Variants in RTF1 observed in about 807,000 individuals in gnomAD.
The protein encoded by RTF1 is RTF1 homolog, Paf1/RNA polymerase II complex component.
A neutral mutation model predicts 95.7 loss-of-function variants in RTF1; 10 were observed. The ratio of observed to expected loss-of-function variants is 0.10; its 90% confidence interval spans 0.06 to 0.18. The LOEUF is 0.18. Ranked by LOEUF, RTF1 falls within the 10% of genes least tolerant of loss-of-function variation. RTF1 has a pLI of 1.00. For synonymous variants in RTF1, 305 were observed against 311.8 expected, an observed-to-expected ratio of 0.98 and a Z score of 0.23; for missense variants, 458 against 875.6, an observed-to-expected ratio of 0.52 and a Z score of 6.02.
rs145486090 is a variant in RTF1 at position 41,479,780 on chromosome 15, G to A, written c.1915-434G>A. Among the ~76,000 whole-genome samples the A allele has an allele frequency of 5.8e-3, 874 of 151,352 alleles. 13 individuals carry two copies. The highest frequency in any genetic ancestry group is 0.02 in the African/African-American group (818 of 41,150). On this transcript the variant is annotated intron_variant, in intron 16 of 17. Coordinates refer to ENST00000389629, the MANE Select transcript of RTF1 (RefSeq NM_015138.5). ...GAGGAGGCTGAGGCAGGAAAATCGC[G>A]TGAACCTGGGAGGGGGAGGTTGCAG...
chr15:41,471,071 C>T (rs1408089332), intron 7 of RTF1, 101 bp from the exon 8 acceptor site: 3 of 1,116,780 alleles, frequency 2.7e-6, no homozygotes, highest in East Asian at 4.8e-5. Flanking sequence ...CTAGGCCAGT[C>T]ACATGTACTT....
chr15:41,428,036 C>T (rs1284751740), intron 1 of RTF1, among the ~76,000 whole-genome samples: 1 of 151,836 alleles, frequency 6.6e-6, no homozygotes, highest in Admixed American at 6.6e-5. Flanking sequence ...ATCTGCCTGG[C>T]TTGGCCTCCC....
intron 16 of RTF1, among the ~76,000 whole-genome samples, chr15:41,479,982 C>T (rs1298064691): frequency 2.6e-5 from 4 of 152,120 alleles, no homozygotes; most frequent in African/African-American, 7.2e-5. Flanking sequence ...TTAAGCCCAC[C>T]CTTTCTACAC....
intron 1 of RTF1, among the ~76,000 whole-genome samples, chr15:41,421,676 C>T (rs1405655028): frequency 6.9e-6 from 1 of 145,730 alleles, no homozygotes; most frequent in Non-Finnish European, 1.5e-5. Flanking sequence ...AAGAACTTGA[C>T]AGGGAGGTTT....
chr15:41,439,112 A>C (rs1016720954), intron 2 of RTF1, among the ~76,000 whole-genome samples: 4 of 150,796 alleles, frequency 2.7e-5, no homozygotes, highest in African/African-American at 9.8e-5. Context: ...GCTCACTGCA[A>C]CTTCCGCCTT....
Position 41,480,845 on chromosome 15 carries a change from A to G in RTF1, c.*158A>G. 1 of 630,308 alleles carries G rather than the reference A, an allele frequency of 1.6e-6. No individual in the cohort carries two copies. Among genetic ancestry groups the G allele is most frequent in the Non-Finnish European group, 2.9e-6 (1 of 350,492 alleles). The allele number at this position is 630,308 out of a possible 1,614,324, so 39.0% of individuals were successfully genotyped here. A position where few individuals can be genotyped will look rare whatever the true frequency, so the allele number is the denominator to read the frequency against. On this transcript the variant is annotated 3_prime_UTR_variant, in exon 18 of 18. Transcript: ENST00000389629. ...CTGTAATATAAACCATTTGCTGTAT[A>G]GACCTCCTTTGTCTGCACACCATCT...
chr15:41,452,992 C>T lies in RTF1; in HGVS notation c.401C>T (p.Ala134Val). ...GTMKKQANKT[A>V]SSGSSDKDSS... is the part of the protein sequence containing the mutation. ...ATGAAGAAACAGGCCAACAAAACTGCCTCCTCAGGCAGTTCAGACAAAGAC... is the reference window on the plus strand; with the variant it reads ...ATGAAGAAACAGGCCAACAAAACTGTCTCCTCAGGCAGTTCAGACAAAGAC... The change falls in exon 3 of 18, where the codon GCC becomes GTC. Residue 134 changes from alanine to valine, a missense_variant. By Grantham distance (64) the Ala-to-Val change is moderately conservative. Coordinates refer to ENST00000389629, the MANE Select transcript of RTF1 (RefSeq NM_015138.5). 1.2e-6 allele frequency: 2 copies of T among 1,612,242 alleles called. No individual in the cohort carries two copies. Among genetic ancestry groups the T allele is most frequent in the Non-Finnish European group, 1.7e-6 (2 of 1,179,504 alleles).
chr15:41,434,753 G>A (rs531884112), intron 1 of RTF1, among the ~76,000 whole-genome samples: 4 of 148,846 alleles, frequency 2.7e-5, no homozygotes, highest in African/African-American at 7.4e-5. Flanking sequence ...TCAGCCTCCC[G>A]AGTAGCTGGG....
Position 41,417,111 on chromosome 15 carries a change from C to T in RTF1, c.-5C>T. ...GCGGGGCCAGGGGGGCGGAGCGGAG[C>T]GCGCATGCGCGGTCGCCTTTGTGTG... On this transcript the variant is annotated 5_prime_UTR_variant, in exon 1 of 18. Transcript: ENST00000389629. The T allele has an allele frequency of 8.1e-7, 1 of 1,237,656 alleles. No individual in the cohort carries two copies. Among genetic ancestry groups the T allele is most frequent in the East Asian group, 3.2e-5 (1 of 31,566 alleles). The allele number at this position is 1,237,656 out of a possible 1,614,324, so 76.7% of individuals were successfully genotyped here.
At position 41,477,453 on chromosome 15, in the gene RTF1, C is replaced by T; in HGVS notation, c.1683-5C>T. 1.2e-6 allele frequency: 2 copies of T among 1,614,218 alleles called. No homozygotes were observed. Among genetic ancestry groups the T allele is most frequent in the South Asian group, 1.1e-5 (1 of 91,082 alleles). On this transcript the variant is annotated splice_region_variant and splice_polypyrimidine_tract_variant and intron_variant, in intron 13 of 17. Coordinates refer to ENST00000389629, the MANE Select transcript of RTF1 (RefSeq NM_015138.5). Reference sequence around the variant, plus strand: ...AGCCACTGACTCATCCCTCTTACCCCACAGTTACATCAACCAGCGGAACCG... The same window carrying T: ...AGCCACTGACTCATCCCTCTTACCCTACAGTTACATCAACCAGCGGAACCG...
At chr15:41,423,023 C>T (rs1444876829) in intron 1 of RTF1, among the ~76,000 whole-genome samples, 5 of 152,300 alleles carry the variant, frequency 3.3e-5, no homozygotes, top group African/African-American at 9.6e-5. Context: ...CCACCCTCCT[C>T]GGCCTCCCAA....
At chr15:41,466,727 T>C (rs1054706289) in intron 6 of RTF1, among the ~76,000 whole-genome samples, 1 of 152,252 alleles carries the variant, frequency 6.6e-6, no homozygotes, top group South Asian at 2.1e-4. Flanking sequence ...AGTCCATACA[T>C]TGTGATCTGT....
At chr15:41,436,181 G>A (rs1350011298) in intron 1 of RTF1, among the ~76,000 whole-genome samples, 1 of 151,424 alleles carries the variant, frequency 6.6e-6, no homozygotes, top group Non-Finnish European at 1.5e-5. Context: ...GCTGGGTGCA[G>A]TGGCTCACGC....
At chr15:41,465,007 C>A in intron 5 of RTF1, 122 bp downstream of exon 5, 1 of 1,349,786 alleles carries the variant, frequency 7.4e-7, no homozygotes, top group Non-Finnish European at 9.6e-7. Context: ...GTTTATAAGA[C>A]TTGTGACATG....
intron 4 of RTF1, among the ~76,000 whole-genome samples, chr15:41,459,693 T>G (rs1396809167): frequency 6.6e-6 from 1 of 152,220 alleles, no homozygotes; most frequent in African/African-American, 2.4e-5. Context: ...TTTCTCCTCA[T>G]TATGTACAAG....
intron 1 of RTF1, among the ~76,000 whole-genome samples, chr15:41,428,417 G>T (rs980588663): frequency 6.6e-5 from 10 of 150,562 alleles, no homozygotes; most frequent in African/African-American, 2.4e-4. Flanking sequence ...ACAGGTGCCC[G>T]CCACTACACC....
chr15:41,453,070 T>C, intron 3 of RTF1, 22 bp downstream of exon 3: 6 of 1,532,798 alleles, frequency 3.9e-6, no homozygotes, highest in African/African-American at 1.4e-5. Flanking sequence ...AGCCTAGACC[T>C]GGAAGGTCAA....
At chr15:41,444,814 G>A (rs565207535) in intron 2 of RTF1, among the ~76,000 whole-genome samples, 3 of 152,228 alleles carry the variant, frequency 2.0e-5, no homozygotes, top group South Asian at 2.1e-4. Flanking sequence ...ATTTTCTGTC[G>A]TGGGGTCAGG....
At chr15:41,435,735 A>G (rs1267875982) in intron 1 of RTF1, among the ~76,000 whole-genome samples, 2 of 152,202 alleles carry the variant, frequency 1.3e-5, no homozygotes, top group Admixed American at 1.3e-4. Flanking sequence ...TAGAGACTGG[A>G]AGAATAAAAC....
Sources: gnomAD v4.1 joint callset for allele counts (sites outside exome capture counted in the v4.1 genomes callset) on GRCh38, gnomAD v4.1.1 for gene constraint, MANE v1.5 for transcripts, NCBI Gene and HGNC (gene_info 2026-07-23, HGNC 2026-07-21) for gene names.